Variants in KIRREL3 observed in about 807,000 individuals in gnomAD.
The protein encoded by KIRREL3 is kirre like nephrin family adhesion molecule 3.
KIRREL3 carries 36 observed loss-of-function variants against 89.7 expected under a neutral mutation model. That is an observed-to-expected ratio of 0.40 (90% CI 0.31 to 0.53). The LOEUF is 0.53. Ranked by LOEUF, KIRREL3 falls within the 20% of genes least tolerant of loss-of-function variation. KIRREL3 has a pLI of 0.49. For missense variants in KIRREL3, 864 were observed against 1,056.6 expected (o/e 0.82, Z 2.53); for synonymous variants, 445 against 441.4 (o/e 1.01, Z -0.10).
intron 1 of KIRREL3, among the ~76,000 whole-genome samples, chr11:126,799,386 G>C (rs796596880): frequency 0.17 from 7,661 of 45,810 alleles, 319 homozygotes; most frequent in African/African-American, 0.28. Context: ...GTGCATGCGT[G>C]TATCTGTGTG....
intron 2 of KIRREL3, among the ~76,000 whole-genome samples, chr11:126,559,429 C>A (rs771870825): frequency 6.6e-6 from 1 of 152,230 alleles, no homozygotes; most frequent in Non-Finnish European, 1.5e-5. Flanking sequence ...GAGTCTTTGC[C>A]CTCCTCCAGC....
In KIRREL3 at chr11:126,492,392, G is replaced by A; in HGVS notation, c.434-18926C>T. On this transcript the variant is annotated intron_variant, in intron 4 of 16. Coordinates refer to ENST00000525144, the MANE Select transcript of KIRREL3 (RefSeq NM_032531.4). This position sits in a 1 kb window ranked among gnomAD's most constrained non-coding sequence, Gnocchi z 4.8. ...GGGATGGACCTGGTGGCTCTGCAAAGCCCCTCTCAGCCCCTGTCCACTCAA... is the reference window on the plus strand; with the variant it reads ...GGGATGGACCTGGTGGCTCTGCAAAACCCCTCTCAGCCCCTGTCCACTCAA... 6.6e-6 allele frequency among the ~76,000 whole-genome samples: 1 copy of A among 152,158 alleles called. No homozygotes were observed. The highest frequency in any genetic ancestry group is 1.9e-4 in the East Asian group (1 of 5,168).
chr11:126,781,256 G>A (rs1440644148), intron 1 of KIRREL3, among the ~76,000 whole-genome samples: 7 of 152,212 alleles, frequency 4.6e-5, no homozygotes, highest in African/African-American at 1.4e-4. Context: ...TCTACAAGGG[G>A]GAGATGAGTT....
rs151012259 is a variant in KIRREL3 at position 126,444,880 on chromosome 11, A to G, written c.1252+99T>C. The G allele has an allele frequency of 4.0e-4, 606 of 1,519,220 alleles. 5 individuals carry two copies. In the East Asian group the frequency reaches 9.1e-3, roughly 23 times the overall value. The allele number at this position is 1,519,220 out of a possible 1,614,324, so 94.1% of individuals were successfully genotyped here. Reference sequence around the variant, plus strand: ...ATAGTTGGAGGTGACAGCAAGGCCCAGAGCCAGCGACAGCTCCTTTGGGGC... The same window carrying G: ...ATAGTTGGAGGTGACAGCAAGGCCCGGAGCCAGCGACAGCTCCTTTGGGGC... On this transcript the variant is annotated intron_variant, in intron 10 of 16. Transcript: ENST00000525144.
rs1005923330 is a variant in KIRREL3 at position 126,719,346 on chromosome 11, G to A, written c.56-156434C>T. On this transcript the variant is annotated intron_variant, in intron 1 of 16. Transcript: ENST00000525144. The surrounding 1 kb of genome is among the most constrained non-coding windows in gnomAD (Gnocchi z 4.7). ...AGCCTCTGGGAGAGCAGTCTCTTAC[G>A]GGTCTACTCTTACTCACAGCTACTC... 2.0e-5 allele frequency among the ~76,000 whole-genome samples: 3 copies of A among 152,088 alleles called. No individual in the cohort carries two copies. The highest frequency in any genetic ancestry group is 4.8e-5 in the African/African-American group (2 of 41,404).
intron 1 of KIRREL3, among the ~76,000 whole-genome samples, chr11:126,902,278 C>A (rs915456586): frequency 6.6e-6 from 1 of 152,168 alleles, no homozygotes; most frequent in South Asian, 2.1e-4. Context: ...CAAAAGAAAT[C>A]CAGTTCCTGG....
chr11:126,629,595 C>T lies in KIRREL3; in HGVS notation c.56-66683G>A, dbSNP rs566412222. Among the ~76,000 whole-genome samples the T allele has an allele frequency of 7.9e-5, 12 of 152,290 alleles. No homozygotes were observed. In the South Asian group the frequency reaches 2.5e-3, roughly 32 times the overall value. On this transcript the variant is annotated intron_variant, in intron 1 of 16. Transcript: ENST00000525144. ...GATCCATGTCCACCCTGCCCTGTGC[C>T]CTGGGAATCTGAGCTGTGTGGATTC...
intron 1 of KIRREL3, among the ~76,000 whole-genome samples, chr11:126,616,816 T>A (rs1943372034): frequency 6.6e-6 from 1 of 152,108 alleles, no homozygotes; most frequent in Non-Finnish European, 1.5e-5. Flanking sequence ...TATTTTTAAT[T>A]TTTTTTGCAG....
At chr11:126,534,169 G>T (rs1269264894) in intron 2 of KIRREL3, among the ~76,000 whole-genome samples, 2 of 151,806 alleles carry the variant, frequency 1.3e-5, no homozygotes, top group Non-Finnish European at 2.9e-5. Flanking sequence ...GAGCTCAGGT[G>T]TTGGAAGCCT....
rs1949568559 is a variant in KIRREL3, at chr11:126,976,084, C to A, written c.55+24371G>T. Among the ~76,000 whole-genome samples, 1 of 151,954 alleles carries A rather than the reference C, an allele frequency of 6.6e-6. No individual in the cohort carries two copies. Among genetic ancestry groups the A allele is most frequent in the Non-Finnish European group, 1.5e-5 (1 of 68,020 alleles). ...GAGGGTGCCATGGGGGTGTTAGCAT[C>A]TTCCAGATGAACACATCGCTTTCTA... On this transcript the variant is annotated intron_variant, in intron 1 of 16. Coordinates refer to ENST00000525144, the MANE Select transcript of KIRREL3 (RefSeq NM_032531.4). This position sits in a 1 kb window ranked among gnomAD's most constrained non-coding sequence, Gnocchi z 4.2.
In KIRREL3 at chr11:126,463,031, C is replaced by T; in HGVS notation, c.742+126G>A. 3 of 840,210 alleles carry T rather than the reference C, an allele frequency of 3.6e-6. No individual in the cohort carries two copies. Among genetic ancestry groups the T allele is most frequent in the East Asian group, 2.6e-5 (1 of 38,512 alleles). The allele number at this position is 840,210 out of a possible 1,614,324, so 52.0% of individuals were successfully genotyped here. Reference sequence around the variant, plus strand: ...GGTCCTTCCTGTCCGTATCTACAAGCTGGCCAATCCACAGAGCTGCCTGAC... The same window carrying T: ...GGTCCTTCCTGTCCGTATCTACAAGTTGGCCAATCCACAGAGCTGCCTGAC... On this transcript the variant is annotated intron_variant, in intron 6 of 16. Transcript: ENST00000525144. This position sits in a 1 kb window ranked among gnomAD's most constrained non-coding sequence, Gnocchi z 5.9.
chr11:126,837,041 G>A lies in KIRREL3; in HGVS notation c.55+163414C>T, dbSNP rs375354823. Among the ~76,000 whole-genome samples, 1 of 151,772 alleles carries A rather than the reference G, an allele frequency of 6.6e-6. No homozygotes were observed. Among genetic ancestry groups the A allele is most frequent in the Non-Finnish European group, 1.5e-5 (1 of 67,936 alleles). On this transcript the variant is annotated intron_variant, in intron 1 of 16. Coordinates refer to ENST00000525144, the MANE Select transcript of KIRREL3 (RefSeq NM_032531.4). This position sits in a 1 kb window ranked among gnomAD's most constrained non-coding sequence, Gnocchi z 4.7. Reference sequence around the variant, plus strand: ...TATTTGTTAAGTATTTTTTTGGGGGGCGGGGGGTTGAATGAATGAACTAAC... The same window carrying A: ...TATTTGTTAAGTATTTTTTTGGGGGACGGGGGGTTGAATGAATGAACTAAC...
At chr11:126,602,032 T>A (rs993582546) in intron 1 of KIRREL3, among the ~76,000 whole-genome samples, 1 of 152,192 alleles carries the variant, frequency 6.6e-6, no homozygotes, top group Non-Finnish European at 1.5e-5. Flanking sequence ...CGTGGCATGA[T>A]CAACACCTCG....
At chr11:126,930,455 C>A (rs888985282) in intron 1 of KIRREL3, among the ~76,000 whole-genome samples, 2 of 152,242 alleles carry the variant, frequency 1.3e-5, no homozygotes, top group African/African-American at 2.4e-5. Context: ...CATCATCTCA[C>A]TGCCCTACTG....
At chr11:126,450,057 C>G (rs949431118) in intron 7 of KIRREL3, among the ~76,000 whole-genome samples, 5 of 152,236 alleles carry the variant, frequency 3.3e-5, no homozygotes, top group Admixed American at 2.6e-4. Context: ...TTGGATCTGG[C>G]TCTGGGGCAG....
In KIRREL3 at chr11:126,515,458, G is replaced by T. The variant is rs1005737045; in HGVS notation, c.433+5857C>A. On this transcript the variant is annotated intron_variant, in intron 4 of 16. Transcript: ENST00000525144. The surrounding 1 kb of genome is among the most constrained non-coding windows in gnomAD (Gnocchi z 4.2). ...GAGCAAGACCCTGACTCAAAAAAAA[G>T]ATGCCTAAGGAAGTGAAAAGGACCA... 3.9e-5 allele frequency among the ~76,000 whole-genome samples: 6 copies of T among 152,072 alleles called. No individual in the cohort carries two copies. The highest frequency in any genetic ancestry group is 7.4e-5 in the Non-Finnish European group (5 of 68,006).
rs759880636 is a variant in KIRREL3, at chr11:126,995,858, TC to T, written c.55+4596del. Among the ~76,000 whole-genome samples the T allele has an allele frequency of 3.3e-5, 5 of 152,036 alleles. No homozygotes were observed. The highest frequency in any genetic ancestry group is 7.4e-5 in the Non-Finnish European group (5 of 68,000). On this transcript the variant is annotated intron_variant, in intron 1 of 16. Coordinates refer to ENST00000525144, the MANE Select transcript of KIRREL3 (RefSeq NM_032531.4). The surrounding 1 kb of genome is among the most constrained non-coding windows in gnomAD (Gnocchi z 6.5). ...GGGCCTAATCTCCTGCTCCACCCCA[TC>T]TCCTGCTGGCCCTGGCTTCCACCAA...
At chr11:126,580,035 C>T (rs1317083217) in intron 1 of KIRREL3, among the ~76,000 whole-genome samples, 1 of 152,000 alleles carries the variant, frequency 6.6e-6, no homozygotes, top group African/African-American at 2.4e-5. Context: ...TTAGTAGAGA[C>T]GGGGTTTCAC....
rs187148820 is a variant in KIRREL3 at position 126,534,324 on chromosome 11, C to T, written c.134-7637G>A. 3.2e-3 allele frequency among the ~76,000 whole-genome samples: 493 copies of T among 152,314 alleles called. 7 individuals carry two copies. Among genetic ancestry groups the T allele is most frequent in the Non-Finnish European group, 1.6e-3 (107 of 68,026 alleles). On this transcript the variant is annotated intron_variant, in intron 2 of 16. Transcript: ENST00000525144. Reference sequence around the variant, plus strand: ...CTGGCTTGGCTCCGCATCTGACTGGCGCTGAACTAGCTTCCGTTAGTAGAA... The same window carrying T: ...CTGGCTTGGCTCCGCATCTGACTGGTGCTGAACTAGCTTCCGTTAGTAGAA...
Sources: allele counts gnomAD v4.1 joint callset (sites outside exome capture counted in the v4.1 genomes callset), GRCh38; gene constraint gnomAD v4.1.1; non-coding constraint Gnocchi (gnomAD v3.1); transcripts MANE v1.5; gene names NCBI Gene and HGNC (gene_info 2026-07-23, HGNC 2026-07-21).